Variants in ERBB4 observed in about 807,000 individuals in gnomAD.
ERBB4 encodes the protein erb-b2 receptor tyrosine kinase 4, also known as receptor tyrosine-protein kinase erbB-4.
ERBB4 carries 42 observed loss-of-function variants against 158.0 expected under a neutral mutation model. The ratio of observed to expected loss-of-function variants is 0.27; its 90% CI spans 0.21 to 0.34. The LOEUF (loss-of-function observed/expected upper bound fraction) is 0.34. Among genes scored for constraint, ERBB4 ranks in the 10% least tolerant of loss-of-function variants. The pLI is 1.00. For missense variants in ERBB4, 1,333 were observed against 1,624.1 expected (o/e 0.82, Z 3.08); for synonymous variants, 583 against 558.7 (o/e 1.04, Z -0.61).
intron 20 of ERBB4, among the ~76,000 whole-genome samples, chr2:211,533,412 A>G (rs189607014): frequency 9.1e-4 from 138 of 152,162 alleles, no homozygotes; most frequent in African/African-American, 3.1e-3. Context: ...ACTATACCTA[A>G]TAGAGCTCGT....
intron 16 of ERBB4, among the ~76,000 whole-genome samples, chr2:211,632,196 A>G (rs933528380): frequency 8.5e-5 from 13 of 152,134 alleles, no homozygotes; most frequent in Non-Finnish European, 1.5e-4. Flanking sequence ...TTCTAAAGAT[A>G]TAAAAATCTC....
chr2:212,347,954 T>C (rs2089084910), intron 1 of ERBB4, among the ~76,000 whole-genome samples: 1 of 152,106 alleles, frequency 6.6e-6, no homozygotes, highest in Admixed American at 6.6e-5. Context: ...CAGCTATTTT[T>C]AGGTGAAATA....
intron 1 of ERBB4, among the ~76,000 whole-genome samples, chr2:212,263,604 T>G (rs2085022751): frequency 6.6e-6 from 1 of 152,074 alleles, no homozygotes; most frequent in South Asian, 2.1e-4. Flanking sequence ...TGGAAAAAAT[T>G]AACAATTCTA....
chr2:211,774,943 T>C (rs1434103783), intron 4 of ERBB4, among the ~76,000 whole-genome samples: 1 of 152,164 alleles, frequency 6.6e-6, no homozygotes, highest in Non-Finnish European at 1.5e-5. Flanking sequence ...AGGAGTTCAG[T>C]AGAGTGACTA....
Position 212,116,097 on chromosome 2 carries a change from A to G in ERBB4, c.234+8655T>C, listed in dbSNP as rs570518873. Among the ~76,000 whole-genome samples, 3 of 152,046 alleles carry G rather than the reference A, an allele frequency of 2.0e-5. No individual in the cohort carries two copies. The East Asian group carries it at 5.8e-4, about 29-fold the overall frequency. ...ATTTAGTAGGTTATACTTAACTAGA[A>G]ACATTATATAAGGTTAATATTATAT... On this transcript the variant is annotated intron_variant, in intron 2 of 27. Transcript: ENST00000342788.
chr2:211,791,256 T>C (rs1280547766), intron 3 of ERBB4, among the ~76,000 whole-genome samples: 1 of 151,942 alleles, frequency 6.6e-6, no homozygotes, highest in African/African-American at 2.4e-5. Flanking sequence ...GAAAAGTTTG[T>C]TTAGATGTTT....
chr2:211,531,198 A>C (rs373131411), intron 20 of ERBB4, among the ~76,000 whole-genome samples: 5 of 152,184 alleles, frequency 3.3e-5, no homozygotes, highest in Non-Finnish European at 7.3e-5. Flanking sequence ...CGAAGACATC[A>C]AAGTATGAAA....
intron 3 of ERBB4, among the ~76,000 whole-genome samples, chr2:211,880,963 G>C (rs1010282509): frequency 3.3e-5 from 5 of 152,166 alleles, no homozygotes; most frequent in Non-Finnish European, 5.9e-5. Flanking sequence ...AATTAGTGGA[G>C]CTTACTCAGT....
intron 1 of ERBB4, among the ~76,000 whole-genome samples, chr2:212,237,671 C>T (rs1236192254): frequency 6.6e-6 from 1 of 152,206 alleles, no homozygotes; most frequent in Non-Finnish European, 1.5e-5. Context: ...GCTGAAGCTG[C>T]ACCCACAGCT....
At chr2:212,342,896 C>G (rs2088793130) in intron 1 of ERBB4, among the ~76,000 whole-genome samples, 1 of 152,046 alleles carries the variant, frequency 6.6e-6, no homozygotes, top group Admixed American at 6.6e-5. Context: ...TAAATAGGCC[C>G]AAACTTTTAC....
At chr2:211,958,639 T>C (rs977661656) in intron 2 of ERBB4, among the ~76,000 whole-genome samples, 1 of 152,112 alleles carries the variant, frequency 6.6e-6, no homozygotes, top group Non-Finnish European at 1.5e-5. Context: ...AGATCGCTCT[T>C]ATTCCCAAGA....
intron 3 of ERBB4, among the ~76,000 whole-genome samples, chr2:211,861,681 AT>A (rs982212025): frequency 5.7e-4 from 87 of 152,300 alleles, no homozygotes; most frequent in African/African-American, 1.9e-3. Context: ...ATCTTTAAGA[AT>A]AAAAATACTC....
chr2:211,667,983 A>G (rs2071693263), intron 14 of ERBB4, among the ~76,000 whole-genome samples: 2 of 152,176 alleles, frequency 1.3e-5, no homozygotes, highest in African/African-American at 4.8e-5. Flanking sequence ...CATTGCGCAG[A>G]TATCACATAG....
intron 20 of ERBB4, among the ~76,000 whole-genome samples, chr2:211,531,747 T>A (rs77314372): frequency 6.6e-6 from 1 of 152,030 alleles, no homozygotes; most frequent in African/African-American, 2.4e-5. Context: ...GGAGAACAGT[T>A]TGGAGGTTCC....
chr2:211,912,717 C>T (rs2079569857), intron 3 of ERBB4, among the ~76,000 whole-genome samples: 1 of 152,096 alleles, frequency 6.6e-6, no homozygotes, highest in South Asian at 2.1e-4. Flanking sequence ...CTCTGCAAAG[C>T]CATCTTTTGT....
At chr2:211,842,018 A>G (rs1241279402) in intron 3 of ERBB4, among the ~76,000 whole-genome samples, 1 of 152,058 alleles carries the variant, frequency 6.6e-6, no homozygotes, top group Non-Finnish European at 1.5e-5. Flanking sequence ...AGCAAGTATT[A>G]TTTACAATTC....
chr2:212,004,890 A>G (rs1384727202), intron 2 of ERBB4, among the ~76,000 whole-genome samples: 1 of 152,136 alleles, frequency 6.6e-6, no homozygotes, highest in Non-Finnish European at 1.5e-5. Context: ...ACTAAATTAC[A>G]TGATTAATTA....
chr2:211,860,989 A>T (rs1409186386), intron 3 of ERBB4, among the ~76,000 whole-genome samples: 3 of 84,810 alleles, frequency 3.5e-5, no homozygotes, highest in Non-Finnish European at 6.5e-5. Flanking sequence ...TATATTATAT[A>T]ATATAATATA....
At chr2:211,491,087 GATA>G (rs1261339134) in intron 20 of ERBB4, among the ~76,000 whole-genome samples, 1 of 152,070 alleles carries the variant, frequency 6.6e-6, no homozygotes, top group Non-Finnish European at 1.5e-5. Flanking sequence ...TTCATCAGGT[GATA>G]ATGTTTATAC....
Sources: gnomAD v4.1 joint callset for allele counts (sites outside exome capture counted in the v4.1 genomes callset) on GRCh38, gnomAD v4.1.1 for gene constraint, MANE v1.5 for transcripts, NCBI Gene and HGNC (gene_info 2026-07-23, HGNC 2026-07-21) for gene names.